The following HECW1 variants were observed in gnomAD, a reference collection of about 807,000 sequenced individuals.
HECW1 encodes the protein HECT, C2 and WW domain containing E3 ubiquitin protein ligase 1.
HECW1 carries 61 observed loss-of-function variants against 182.3 expected under a neutral mutation model. The ratio of observed to expected loss-of-function variants is 0.33; its 90% confidence interval spans 0.27 to 0.41. The LOEUF is 0.41. Among genes scored for constraint, HECW1 ranks in the 10% least tolerant of loss-of-function variants. The pLI is 1.00. For missense variants in HECW1, 1,739 were observed against 2,108.9 expected (o/e 0.82, Z 3.44); for synonymous variants, 859 against 832.6 (o/e 1.03, Z -0.55).
chr7:43,500,727 G>A lies in HECW1; in HGVS notation c.3466G>A (p.Gly1156Ser). Residue 1156 changes from glycine to serine, a missense_variant, in exon 20 of 30, where the codon GGT (glycine) becomes AGT (serine). By Grantham distance (56) the Gly-to-Ser change is moderately conservative. Around this residue, in one of 5 missense-constraint regions of HECW1, gnomAD observed 420 missense variants for 595.7 expected, o/e 0.71. Transcript: ENST00000395891. ...REKIHYIRTE[G>S]NHGLEKLSCD... ...GAAAATCCATTACATTCGGACTGAGGGTAATCACGGGCTTGAGAAGTTGTC... is the reference window on the plus strand; with the variant it reads ...GAAAATCCATTACATTCGGACTGAGAGTAATCACGGGCTTGAGAAGTTGTC... The A allele has an allele frequency of 6.2e-7, 1 of 1,613,804 alleles. No individual in the cohort carries two copies. The highest frequency in any genetic ancestry group is 1.1e-5 in the South Asian group (1 of 91,068).
chr7:43,466,609 A>G (rs770404618), intron 15 of HECW1, 41 bp downstream of exon 15: 2 of 1,600,074 alleles, frequency 1.2e-6, no homozygotes, highest in Admixed American at 1.7e-5. Flanking sequence ...CTGGCTCGGC[A>G]AGACCCAAAA....
intron 2 of HECW1, among the ~76,000 whole-genome samples, chr7:43,221,846 G>T (rs1422040581): frequency 5.3e-5 from 8 of 151,974 alleles, no homozygotes; most frequent in Non-Finnish European, 8.8e-5. Flanking sequence ...CACCCAGCAG[G>T]GTTAGTTTTT....
Position 43,444,530 on chromosome 7 carries a change from C to T in HECW1, c.1358C>T (p.Pro453Leu), listed in dbSNP as rs753488396. ...GTGCAAAAGGACATCCAGCCTGCCC[C>T]CAGTGCAGAAGAGCTGGCCGAGCAG... is the stretch of plus-strand genomic sequence containing the variant. ...AQVQKDIQPA[P>L]SAEELAEQLD... Residue 453 changes from proline to leucine, a missense_variant, in exon 11 of 30, where the codon CCC (proline) becomes CTC (leucine). Pro to Leu is a moderately conservative substitution (Grantham distance 98, BLOSUM62 -3). Transcript: ENST00000395891. This position sits in a 1 kb window ranked among gnomAD's most constrained non-coding sequence, Gnocchi z 4.3. 4.3e-6 allele frequency: 7 copies of T among 1,611,378 alleles called. No individual in the cohort carries two copies. Among genetic ancestry groups the T allele is most frequent in the South Asian group, 3.3e-5 (3 of 90,620 alleles).
At chr7:43,172,287 C>A (rs1791773854) in intron 2 of HECW1, among the ~76,000 whole-genome samples, 1 of 151,800 alleles carries the variant, frequency 6.6e-6, no homozygotes, top group South Asian at 2.1e-4. Context: ...GGGTGAGACT[C>A]TGTCTCTAGA....
chr7:43,392,597 G>A (rs956767955), intron 6 of HECW1, among the ~76,000 whole-genome samples: 3 of 152,202 alleles, frequency 2.0e-5, no homozygotes, highest in Admixed American at 1.3e-4. Flanking sequence ...GGGCATAGCT[G>A]CTTACCTCTG....
At chr7:43,497,371 G>A (rs1274257457) in intron 19 of HECW1, among the ~76,000 whole-genome samples, 4 of 152,120 alleles carry the variant, frequency 2.6e-5, no homozygotes, top group East Asian at 1.9e-4. Flanking sequence ...ATCACCAACC[G>A]GAAACATTTT....
chr7:43,128,626 G>C (rs1049526248), intron 2 of HECW1, among the ~76,000 whole-genome samples: 2 of 152,182 alleles, frequency 1.3e-5, no homozygotes, highest in African/African-American at 4.8e-5. Flanking sequence ...ATGGATCTAG[G>C]AGTAATATTG....
intron 8 of HECW1, among the ~76,000 whole-genome samples, chr7:43,412,402 C>T (rs1371879715): frequency 2.0e-5 from 3 of 150,798 alleles, no homozygotes; most frequent in East Asian, 3.9e-4. Context: ...CATACATTTC[C>T]TATTTCTAAT....
intron 3 of HECW1, among the ~76,000 whole-genome samples, chr7:43,301,100 C>G (rs1017558751): frequency 1.3e-5 from 2 of 152,128 alleles, no homozygotes; most frequent in African/African-American, 4.8e-5. Flanking sequence ...GTGAACAAAA[C>G]CTCCGTGGCC....
chr7:43,405,002 G>T (rs2075558219), intron 7 of HECW1, among the ~76,000 whole-genome samples: 1 of 152,016 alleles, frequency 6.6e-6, no homozygotes, highest in South Asian at 2.1e-4. Context: ...AAAAACAAAA[G>T]CACAGACTTT....
rs1262325640 is a variant in HECW1 at position 43,554,764 on chromosome 7, A to G, written c.4683A>G (p.Lys1561=). Residue 1561 remains lysine (K), a synonymous_variant, in exon 29 of 30, where the codon AAA becomes AAG. Coordinates refer to ENST00000395891, the MANE Select transcript of HECW1 (RefSeq NM_015052.5). ...GGCTTCGGCGCTTCTGCATAGAGAA[A>G]TGGGGGAAAATTACTTCTCTCCCCA... ...SNGLRRFCIE[K]WGKITSLPRA... is the part of the protein sequence containing the mutation. 1.2e-6 allele frequency: 2 copies of G among 1,613,868 alleles called. No individual in the cohort carries two copies. Among genetic ancestry groups the G allele is most frequent in the Middle Eastern group, 1.6e-4 (1 of 6,062 alleles).
intron 2 of HECW1, among the ~76,000 whole-genome samples, chr7:43,198,271 CCCACACTCACACA>C (rs1182750173): frequency 1.3e-5 from 2 of 150,558 alleles, no homozygotes; most frequent in Admixed American, 1.3e-4. Flanking sequence ...TCACACACAC[CCCACACTCACACA>C]CCACACACAT....
At position 43,541,247 on chromosome 7, in the gene HECW1, G is replaced by C. The variant is rs762966900; in HGVS notation, c.4104G>C (p.Lys1368Asn). The part of the protein sequence containing the change: ...LDAFFTRPFY[K>N]ALLRLPCDLS... ...CTTTCTTCACGAGGCCCTTCTACAAGGCACTCCTGAGACTGTAAGTGCTTT... is the reference window on the plus strand; with the variant it reads ...CTTTCTTCACGAGGCCCTTCTACAACGCACTCCTGAGACTGTAAGTGCTTT... The change falls in exon 25 of 30, where the codon AAG (lysine) becomes AAC (asparagine). Residue 1368 changes from lysine (K) to asparagine (N), a missense_variant. Coordinates refer to ENST00000395891, the MANE Select transcript of HECW1 (RefSeq NM_015052.5). The C allele has an allele frequency of 1.2e-6, 2 of 1,613,742 alleles. No homozygotes were observed.
At chr7:43,211,338 T>G (rs1795989012) in intron 2 of HECW1, among the ~76,000 whole-genome samples, 1 of 152,220 alleles carries the variant, frequency 6.6e-6, no homozygotes, top group African/African-American at 2.4e-5. Context: ...TCCCATTGTT[T>G]AAGTTCCATC....
At chr7:43,227,646 C>A (rs1224107045) in intron 2 of HECW1, among the ~76,000 whole-genome samples, 3 of 151,992 alleles carry the variant, frequency 2.0e-5, no homozygotes, top group Admixed American at 2.0e-4. Context: ...TGTTAATTGA[C>A]ATTTTTTCTT....
chr7:43,340,595 A>C (rs972629737), intron 5 of HECW1, among the ~76,000 whole-genome samples: 6 of 151,762 alleles, frequency 4.0e-5, no homozygotes, highest in Admixed American at 3.3e-4. Context: ...GACAGTAATC[A>C]ACACTGAAAT....
At chr7:43,297,898 C>T (rs1806241304) in intron 3 of HECW1, among the ~76,000 whole-genome samples, 1 of 152,154 alleles carries the variant, frequency 6.6e-6, no homozygotes, top group Non-Finnish European at 1.5e-5. Context: ...ATAGAGAGAC[C>T]TGTCTCTAGA....
At chr7:43,219,435 C>A (rs553289204) in intron 2 of HECW1, among the ~76,000 whole-genome samples, 2 of 152,094 alleles carry the variant, frequency 1.3e-5, no homozygotes, top group Non-Finnish European at 2.9e-5. Flanking sequence ...CAAAACCCCT[C>A]CGATACCGAG....
At chr7:43,126,248 CTA>C (rs1334522273) in intron 2 of HECW1, among the ~76,000 whole-genome samples, 1 of 151,998 alleles carries the variant, frequency 6.6e-6, no homozygotes, top group African/African-American at 2.4e-5. Flanking sequence ...TCTTCATCAT[CTA>C]TATCTCTTCC....
Sources: allele counts gnomAD v4.1 joint callset (sites outside exome capture counted in the v4.1 genomes callset), GRCh38; gene constraint gnomAD v4.1.1; regional missense constraint gnomAD v4.1.1; non-coding constraint Gnocchi (gnomAD v3.1); transcripts MANE v1.5; gene names NCBI Gene and HGNC (gene_info 2026-07-23, HGNC 2026-07-21).